The following SGPL1 variants were observed in gnomAD, a reference collection of about 807,000 sequenced individuals.
SGPL1 encodes the protein sphingosine-1-phosphate lyase 1.
SGPL1 carries 37 observed loss-of-function variants against 68.9 expected under a neutral mutation model. That is an observed-to-expected ratio of 0.54 (90% CI 0.41 to 0.71). The LOEUF (loss-of-function observed/expected upper bound fraction) is 0.71. SGPL1 is among the 30% of genes least tolerant of loss of function. The pLI is 0.00. For missense variants in SGPL1, 551 were observed against 704.6 expected (o/e 0.78, Z 2.47); for synonymous variants, 236 against 248.5 (o/e 0.95, Z 0.47).
intron 8 of SGPL1, among the ~76,000 whole-genome samples, 157 bp from the exon 9 acceptor site, chr10:70,869,635 T>C (rs75091496): frequency 0.016 from 2,440 of 152,304 alleles, 46 homozygotes; most frequent in African/African-American, 0.054. Flanking sequence ...TCTTTTTGGG[T>C]GTGCTTAAAA....
At chr10:70,863,600 AC>A (rs1846124131) in intron 7 of SGPL1, among the ~76,000 whole-genome samples, 1 of 151,968 alleles carries the variant, frequency 6.6e-6, no homozygotes, top group South Asian at 2.1e-4. Context: ...GATTTGTCAT[AC>A]CTTTTTGAGT....
At chr10:70,828,088 C>T (rs1027320794) in intron 2 of SGPL1, among the ~76,000 whole-genome samples, 3 of 152,108 alleles carry the variant, frequency 2.0e-5, no homozygotes, top group Admixed American at 6.5e-5. Flanking sequence ...ACACTGCTGC[C>T]TTCTTGAACA....
At chr10:70,848,053 T>G (rs1220430162) in intron 3 of SGPL1, among the ~76,000 whole-genome samples, 1 of 152,236 alleles carries the variant, frequency 6.6e-6, no homozygotes, top group Admixed American at 6.5e-5. Context: ...TACTTTTACT[T>G]TAATGCTGAT....
chr10:70,860,770 A>G (rs181334874), intron 7 of SGPL1, among the ~76,000 whole-genome samples: 2 of 152,312 alleles, frequency 1.3e-5, no homozygotes. Context: ...ATTAGTACAC[A>G]TATATATCAG....
chr10:70,828,463 G>T (rs565492389), intron 2 of SGPL1, among the ~76,000 whole-genome samples: 1 of 152,128 alleles, frequency 6.6e-6, no homozygotes, highest in African/African-American at 2.4e-5. Context: ...AAAGTGCTGC[G>T]ATTATGGGTG....
chr10:70,851,303 G>T, intron 4 of SGPL1, 93 bp downstream of exon 4: 1 of 1,130,676 alleles, frequency 8.8e-7, no homozygotes, highest in Admixed American at 1.8e-5. Flanking sequence ...AAAGTGGAGG[G>T]GTGATTTTGT....
At position 70,878,312 on chromosome 10, in the gene SGPL1, ATTTGACACTTGG is replaced by A. The variant is rs1193886257; in HGVS notation, c.*980_*991del. The A allele has an allele frequency of 6.6e-6, 1 of 152,160 alleles. No homozygotes were observed. The highest frequency in any genetic ancestry group is 1.5e-5 in the Non-Finnish European group (1 of 68,030). 9.4% of individuals were successfully genotyped at this position (152,160 alleles called of 1,614,324 possible). On this transcript the variant is annotated 3_prime_UTR_variant, in exon 15 of 15. Transcript: ENST00000373202. ...GGTCTCTTCTGTGCCTGCAGTCCCCATTTGACACTTGGTTGCCACCATCTTTGGAGATTATTG... is the reference window on the plus strand; with the variant it reads ...GGTCTCTTCTGTGCCTGCAGTCCCCATTGCCACCATCTTTGGAGATTATTG...
chr10:70,825,939 T>C (rs1845427208), intron 2 of SGPL1, among the ~76,000 whole-genome samples: 1 of 152,198 alleles, frequency 6.6e-6, no homozygotes, highest in African/African-American at 2.4e-5. Context: ...CCCAACACTT[T>C]GGGAGGCCGA....
At chr10:70,862,543 C>G (rs541462940) in intron 7 of SGPL1, among the ~76,000 whole-genome samples, 1 of 152,274 alleles carries the variant, frequency 6.6e-6, no homozygotes, top group South Asian at 2.1e-4. Flanking sequence ...TTCTTTCGCT[C>G]TTTGCAATAA....
intron 2 of SGPL1, chr10:70,820,354 G>A (rs1184314649): frequency 2.6e-5 from 4 of 152,124 alleles, no homozygotes; most frequent in Middle Eastern, 3.2e-3. Context: ...TCTGTGTGGA[G>A]CAGATGGGAT....
At position 70,871,134 on chromosome 10, in the gene SGPL1, T is replaced by C. The variant is rs535148757; in HGVS notation, c.897T>C (p.Pro299=). 3 of 1,611,080 alleles carry C rather than the reference T, an allele frequency of 1.9e-6. No homozygotes were observed. The highest frequency in any genetic ancestry group is 2.7e-5 in the African/African-American group (2 of 74,942). The change falls in exon 10 of 15, where the codon CCT becomes CCC. Residue 299 remains proline, a synonymous_variant. Coordinates refer to ENST00000373202, the MANE Select transcript of SGPL1 (RefSeq NM_003901.4). The part of the protein sequence containing the change: ...QFPHGVIDPV[P]EVAKLAVKYK... ...CTCATGGTGTAATAGATCCTGTCCC[T>C]GAAGTGGCCAAGGTATATGAGAGAA...
intron 2 of SGPL1, among the ~76,000 whole-genome samples, chr10:70,819,318 A>C (rs1845294564): frequency 2.0e-5 from 3 of 152,232 alleles, no homozygotes; most frequent in Non-Finnish European, 1.5e-5. Flanking sequence ...CTAGGCAGTC[A>C]TCACTTTCTG....
intron 8 of SGPL1, 56 bp downstream of exon 8, chr10:70,868,489 T>G (rs1846234590): frequency 7.4e-7 from 1 of 1,348,170 alleles, no homozygotes; most frequent in Non-Finnish European, 1.1e-6. Flanking sequence ...GGAGTACAGC[T>G]TTATGAAACT....
chr10:70,858,233 T>C (rs1845995957), intron 6 of SGPL1, among the ~76,000 whole-genome samples: 1 of 152,170 alleles, frequency 6.6e-6, no homozygotes, highest in Non-Finnish European at 1.5e-5. Context: ...CCTCTTTGGC[T>C]CAAGTGATCC....
At chr10:70,857,296 G>A (rs1017859913) in intron 5 of SGPL1, 4 of 331,554 alleles carry the variant, frequency 1.2e-5, no homozygotes, top group Non-Finnish European at 2.3e-5. Context: ...CAAAAAATAA[G>A]TATAGACAAA....
At chr10:70,840,715 A>G (rs1845700851) in intron 2 of SGPL1, among the ~76,000 whole-genome samples, 1 of 152,172 alleles carries the variant, frequency 6.6e-6, no homozygotes, top group African/African-American at 2.4e-5. Context: ...GAATTTAAGA[A>G]TTGCCATTAT....
chr10:70,846,371 A>AT (rs1455325692), intron 3 of SGPL1, among the ~76,000 whole-genome samples: 1 of 59,008 alleles, frequency 1.7e-5, no homozygotes, highest in Non-Finnish European at 3.3e-5. Flanking sequence ...CTTTCTTTTT[A>AT]TTTTTTAACT....
rs1165796193 is a variant in SGPL1 at position 70,815,981 on chromosome 10, G to C, written c.-189G>C. 6.6e-6 allele frequency: 1 copy of C among 151,494 alleles called. No homozygotes were observed. The highest frequency in any genetic ancestry group is 1.5e-5 in the Non-Finnish European group (1 of 67,894). 9.4% of individuals were successfully genotyped at this position (151,494 alleles called of 1,614,324 possible). On this transcript the variant is annotated 5_prime_UTR_variant, in exon 1 of 15. Coordinates refer to ENST00000373202, the MANE Select transcript of SGPL1 (RefSeq NM_003901.4). Reference sequence around the variant, plus strand: ...GAGGGGCGAGGCCGGCGGCTGCCGGGCCTCCAATCTCGGCGGCGGCGGCGG... The same window carrying C: ...GAGGGGCGAGGCCGGCGGCTGCCGGCCCTCCAATCTCGGCGGCGGCGGCGG...
At chr10:70,866,282 G>A (rs1846184725) in intron 7 of SGPL1, 1 of 152,140 alleles carries the variant, frequency 6.6e-6, no homozygotes, top group African/African-American at 2.4e-5. Flanking sequence ...AGCTACTTTG[G>A]GGGATGAGGT....
Sources: allele counts gnomAD v4.1 joint callset (sites outside exome capture counted in the v4.1 genomes callset), GRCh38; gene constraint gnomAD v4.1.1; transcripts MANE v1.5; gene names NCBI Gene and HGNC (gene_info 2026-07-23, HGNC 2026-07-21).